DLGAP1: variants seen among roughly 807,000 people sequenced by gnomAD.
The protein encoded by DLGAP1 is DLG associated protein 1.
In DLGAP1, 11 loss-of-function variants were observed where a neutral mutation model predicts 90.8. The observed-to-expected ratio is 0.12, with a 90% confidence interval of 0.08 to 0.20. The LOEUF (loss-of-function observed/expected upper bound fraction) is 0.20. DLGAP1 is among the 10% of genes least tolerant of loss of function. The pLI, the probability that DLGAP1 is intolerant of heterozygous loss-of-function variation, is 1.00. For missense variants in DLGAP1, 1,050 were observed against 1,333.8 expected (o/e 0.79, Z 3.31); for synonymous variants, 558 against 540.7 (o/e 1.03, Z -0.44).
chr18:3,678,570 T>C (rs1305153952), intron 7 of DLGAP1, among the ~76,000 whole-genome samples: 3 of 152,174 alleles, frequency 2.0e-5, no homozygotes, highest in Non-Finnish European at 2.9e-5. Flanking sequence ...GAGTCCCCAT[T>C]ACATTAAATA....
intron 3 of DLGAP1, among the ~76,000 whole-genome samples, chr18:3,947,552 T>G (rs545154204): frequency 5.9e-5 from 9 of 152,356 alleles, no homozygotes; most frequent in African/African-American, 1.7e-4. Context: ...TGTTCTAAAC[T>G]AAGATACACA....
chr18:3,965,940 CA>C (rs544643910), intron 3 of DLGAP1, among the ~76,000 whole-genome samples: 3,885 of 100,486 alleles, frequency 0.039, 127 homozygotes, highest in African/African-American at 0.12. Flanking sequence ...GACTCCATGT[CA>C]AAAAAAAAAA....
chr18:3,600,809 G>T (rs1249523341), intron 7 of DLGAP1, among the ~76,000 whole-genome samples: 40 of 47,500 alleles, frequency 8.4e-4, no homozygotes, highest in African/African-American at 3.2e-3. Context: ...TAGATATATA[G>T]ATATATATAG....
At chr18:3,512,797 C>A (rs563123122) in intron 10 of DLGAP1, among the ~76,000 whole-genome samples, 5 of 152,248 alleles carry the variant, frequency 3.3e-5, no homozygotes, top group Non-Finnish European at 5.9e-5. Flanking sequence ...CTCTAACACT[C>A]GCAGAAAATT....
At chr18:4,437,931 G>T (rs1365680936) in intron 1 of DLGAP1, among the ~76,000 whole-genome samples, 2 of 152,120 alleles carry the variant, frequency 1.3e-5, no homozygotes, top group Non-Finnish European at 2.9e-5. Flanking sequence ...TGTGAAACTG[G>T]CATTTCTACT....
chr18:3,828,395 G>T (rs558108615), intron 4 of DLGAP1, among the ~76,000 whole-genome samples: 39 of 152,252 alleles, frequency 2.6e-4, no homozygotes, highest in Admixed American at 5.2e-4. Flanking sequence ...ATCCCAACAC[G>T]TTGGGAGGCT....
intron 3 of DLGAP1, among the ~76,000 whole-genome samples, chr18:3,935,654 C>A (rs933371266): frequency 2.8e-4 from 43 of 152,120 alleles, no homozygotes; most frequent in African/African-American, 9.9e-4. Flanking sequence ...AAGATAATGA[C>A]AGTAATACAA....
intron 5 of DLGAP1, among the ~76,000 whole-genome samples, chr18:3,751,861 ACTTCTT>A (rs376133799): frequency 3.2e-4 from 37 of 114,986 alleles, no homozygotes; most frequent in Middle Eastern, 0.014. Context: ...CTGTGCCCGG[ACTTCTT>A]CTTCTTCTTC....
intron 2 of DLGAP1, among the ~76,000 whole-genome samples, chr18:4,026,871 T>C (rs1169797627): frequency 6.6e-6 from 1 of 152,176 alleles, no homozygotes; most frequent in African/African-American, 2.4e-5. Flanking sequence ...ATTGTTCCTT[T>C]CCAAGGTTTA....
chr18:4,384,349 C>T (rs539025203), intron 1 of DLGAP1, among the ~76,000 whole-genome samples: 91 of 152,194 alleles, frequency 6.0e-4, no homozygotes, highest in Non-Finnish European at 1.0e-3. Flanking sequence ...TTAGTAAGTG[C>T]TCAGCAAGTT....
At chr18:3,627,245 C>G (rs2146116119) in intron 7 of DLGAP1, among the ~76,000 whole-genome samples, 1 of 152,162 alleles carries the variant, frequency 6.6e-6, no homozygotes. Context: ...TGGCCTAGTG[C>G]TAGTAATTTT....
intron 7 of DLGAP1, among the ~76,000 whole-genome samples, chr18:3,655,084 C>T (rs751388016): frequency 6.6e-6 from 1 of 152,110 alleles, no homozygotes; most frequent in East Asian, 1.9e-4. Flanking sequence ...ACTCCAACCC[C>T]CACTGCAATT....
intron 1 of DLGAP1, among the ~76,000 whole-genome samples, chr18:4,183,422 G>C (rs1247364024): frequency 6.6e-6 from 1 of 152,020 alleles, no homozygotes; most frequent in African/African-American, 2.4e-5. Context: ...ACATTTCATT[G>C]TATATTATTT....
rs74270577 is a variant in DLGAP1 at position 3,986,414 on chromosome 18, C to CT, written c.-73+18701dup. 3.3e-3 allele frequency: 486 copies of CT among 148,004 alleles called. 6 individuals carry two copies. The highest frequency in any genetic ancestry group is 0.019 in the South Asian group (91 of 4,668). The allele number at this position is 148,004 out of a possible 1,614,324, so 9.2% of individuals were successfully genotyped here. A position where few individuals can be genotyped will look rare whatever the true frequency, so the allele number is the denominator to read the frequency against. On this transcript the variant is annotated intron_variant, in intron 3 of 12. Coordinates refer to ENST00000315677, the MANE Select transcript of DLGAP1 (RefSeq NM_004746.4). ...TTTTTAAAATTTTATTTTGATTTAA[C>CT]TTTTTTTTTTTTTTAAAGATGGGGT...
intron 1 of DLGAP1, among the ~76,000 whole-genome samples, chr18:4,194,831 C>A (rs947757322): frequency 6.6e-6 from 1 of 152,024 alleles, no homozygotes; most frequent in Non-Finnish European, 1.5e-5. Flanking sequence ...ATTTATGGGA[C>A]ACAAAGTCAC....
chr18:4,247,231 T>C (rs12455349), intron 1 of DLGAP1, among the ~76,000 whole-genome samples: 67,365 of 152,110 alleles, frequency 0.44, 17,377 homozygotes, highest in East Asian at 0.79. Flanking sequence ...CTGATGTAAG[T>C]ATTTTTCACG....
intron 1 of DLGAP1, among the ~76,000 whole-genome samples, chr18:4,226,725 C>A (rs1314885976): frequency 1.4e-5 from 2 of 141,600 alleles, no homozygotes; most frequent in African/African-American, 5.2e-5. Context: ...AAATAGAAAG[C>A]AATAAATGAA....
At chr18:4,080,838 G>A (rs927920505) in intron 2 of DLGAP1, among the ~76,000 whole-genome samples, 5 of 151,642 alleles carry the variant, frequency 3.3e-5, no homozygotes, top group Non-Finnish European at 5.9e-5. Flanking sequence ...CCCATGAGGG[G>A]AATTCATCAC....
intron 7 of DLGAP1, among the ~76,000 whole-genome samples, chr18:3,589,131 T>A (rs1430365428): frequency 1.3e-5 from 2 of 151,988 alleles, no homozygotes; most frequent in Non-Finnish European, 2.9e-5. Context: ...GAGGTTGCAG[T>A]GAGCCAAGAT....
Sources: allele counts gnomAD v4.1 joint callset (sites outside exome capture counted in the v4.1 genomes callset), GRCh38; gene constraint gnomAD v4.1.1; transcripts MANE v1.5; gene names NCBI Gene and HGNC (gene_info 2026-07-23, HGNC 2026-07-21).